Variants in CTNNA3 observed in about 807,000 individuals in gnomAD.
CTNNA3 encodes catenin alpha-3.
CTNNA3 carries 76 observed loss-of-function variants against 95.7 expected under a neutral mutation model. That is an observed-to-expected ratio of 0.79 (90% CI 0.66 to 0.96). The LOEUF (loss-of-function observed/expected upper bound fraction) is 0.96, where lower values mean the gene tolerates loss of function less well. CTNNA3 is among the 40% of genes least tolerant of loss of function. The pLI is 0.00. For synonymous variants in CTNNA3, 431 were observed against 374.4 expected, an observed-to-expected ratio of 1.15 and a Z score of -1.74; for missense variants, 1,191 against 1,089.8, an observed-to-expected ratio of 1.09 and a Z score of -1.31.
intron 11 of CTNNA3, among the ~76,000 whole-genome samples, chr10:66,469,347 A>C (rs1839043832): frequency 6.6e-6 from 1 of 151,906 alleles, no homozygotes; most frequent in African/African-American, 2.4e-5. Context: ...GATATCTGAG[A>C]CAAAGGGTAG....
chr10:67,511,693 G>A (rs1839634801), intron 5 of CTNNA3, among the ~76,000 whole-genome samples: 1 of 152,160 alleles, frequency 6.6e-6, no homozygotes, highest in African/African-American at 2.4e-5. Flanking sequence ...TTGGTATCAG[G>A]ATGATGCTGG....
chr10:67,632,075 T>G (rs1195848995), intron 2 of CTNNA3, among the ~76,000 whole-genome samples: 2 of 151,736 alleles, frequency 1.3e-5, no homozygotes, highest in African/African-American at 4.8e-5. Flanking sequence ...AGTTAACATA[T>G]TGTATTCTTT....
chr10:67,648,810 G>C (rs529857222), intron 1 of CTNNA3: 1 of 1,287,508 alleles, frequency 7.8e-7, no homozygotes. Flanking sequence ...TTTTCTCAGC[G>C]ATTCAGCTGC....
chr10:66,152,036 A>T (rs1475867705), intron 13 of CTNNA3, among the ~76,000 whole-genome samples: 2 of 151,974 alleles, frequency 1.3e-5, no homozygotes, highest in African/African-American at 2.4e-5. Flanking sequence ...TGTGGAAATC[A>T]TATTGTATCT....
rs55653118 is a variant in CTNNA3 at position 66,989,019 on chromosome 10, T to A, written c.1047+191298A>T. Among the ~76,000 whole-genome samples the A allele has an allele frequency of 6.2e-3, 943 of 152,268 alleles. 8 individuals are homozygous for A. Among genetic ancestry groups the A allele is most frequent in the African/African-American group, 0.022 (900 of 41,558 alleles). ...TCACTTAAAAAAAAAAAATCCCTTT[T>A]CTACCTCTCTTTTATCAGTCTCGTT... On this transcript the variant is annotated intron_variant, in intron 7 of 17. Coordinates refer to ENST00000433211, the MANE Select transcript of CTNNA3 (RefSeq NM_013266.4).
chr10:66,440,962 TCA>T (rs1040380363), intron 11 of CTNNA3, among the ~76,000 whole-genome samples: 1 of 133,654 alleles, frequency 7.5e-6, no homozygotes, highest in Non-Finnish European at 1.6e-5. Context: ...TCCATTTTTC[TCA>T]TTTATTAATA....
chr10:67,394,953 G>A (rs1844661529), intron 5 of CTNNA3, among the ~76,000 whole-genome samples: 1 of 152,010 alleles, frequency 6.6e-6, no homozygotes, highest in African/African-American at 2.4e-5. Flanking sequence ...TACTACATCA[G>A]TTATTCACCA....
intron 5 of CTNNA3, among the ~76,000 whole-genome samples, chr10:67,452,302 C>T (rs74144451): frequency 0.034 from 5,178 of 152,104 alleles, 282 homozygotes; most frequent in African/African-American, 0.11. Flanking sequence ...TAATTGCCTG[C>T]AAAATGTATT....
chr10:66,080,494 T>C (rs2133641107), intron 14 of CTNNA3, among the ~76,000 whole-genome samples: 1 of 152,308 alleles, frequency 6.6e-6, no homozygotes, highest in South Asian at 2.1e-4. Flanking sequence ...GACTTAACAT[T>C]GCAATATCTC....
chr10:66,018,187 T>TAC (rs59373779), intron 15 of CTNNA3, among the ~76,000 whole-genome samples: 1,516 of 142,156 alleles, frequency 0.011, 22 homozygotes, highest in Middle Eastern at 0.032. Flanking sequence ...ACAGCTCAAA[T>TAC]ACACACACAC....
At chr10:66,452,133 A>G (rs535824111) in intron 11 of CTNNA3, among the ~76,000 whole-genome samples, 9 of 152,296 alleles carry the variant, frequency 5.9e-5, no homozygotes, top group African/African-American at 2.2e-4. Flanking sequence ...TTTGTATGAT[A>G]GTTACATTTC....
intron 10 of CTNNA3, among the ~76,000 whole-genome samples, chr10:66,549,873 T>C (rs1167264926): frequency 6.6e-6 from 1 of 152,176 alleles, no homozygotes; most frequent in Non-Finnish European, 1.5e-5. Flanking sequence ...TTGAGACTTA[T>C]TTATGGCCTG....
intron 10 of CTNNA3, among the ~76,000 whole-genome samples, chr10:66,562,587 T>C (rs1842586602): frequency 6.6e-6 from 1 of 152,094 alleles, no homozygotes; most frequent in Admixed American, 6.6e-5. Context: ...ACTCAATATT[T>C]AAGACTACAT....
chr10:66,971,125 A>G (rs915819760), intron 7 of CTNNA3, among the ~76,000 whole-genome samples: 1 of 152,124 alleles, frequency 6.6e-6, no homozygotes, highest in African/African-American at 2.4e-5. Context: ...GCAATGAGGC[A>G]GGATAGTGAA....
intron 11 of CTNNA3, among the ~76,000 whole-genome samples, chr10:66,392,234 T>C (rs576259282): frequency 2.8e-4 from 43 of 151,984 alleles, no homozygotes; most frequent in African/African-American, 1.0e-3. Flanking sequence ...TTTGAGACCA[T>C]CCTGGCCAGT....
intron 7 of CTNNA3, among the ~76,000 whole-genome samples, chr10:66,975,675 T>A (rs544515017): frequency 6.6e-6 from 1 of 152,288 alleles, no homozygotes; most frequent in South Asian, 2.1e-4. Context: ...AGCTGGTTCA[T>A]CCACAAGTTT....
intron 5 of CTNNA3, among the ~76,000 whole-genome samples, chr10:67,490,718 TC>T (rs1848615815): frequency 6.6e-6 from 1 of 151,470 alleles, no homozygotes; most frequent in Non-Finnish European, 1.5e-5. Flanking sequence ...GGAAAAAGAG[TC>T]CTGGTAGATC....
At chr10:66,080,293 A>G (rs939583606) in intron 14 of CTNNA3, among the ~76,000 whole-genome samples, 1 of 151,958 alleles carries the variant, frequency 6.6e-6, no homozygotes, top group Non-Finnish European at 1.5e-5. Context: ...GTAACCCAAC[A>G]TTGTAAAATT....
At chr10:66,941,714 G>A (rs951278569) in intron 7 of CTNNA3, among the ~76,000 whole-genome samples, 3 of 152,164 alleles carry the variant, frequency 2.0e-5, no homozygotes, top group African/African-American at 4.8e-5. Context: ...CGCACTGCCC[G>A]TGCCAGCCAG....
Sources: gnomAD v4.1 joint callset for allele counts (sites outside exome capture counted in the v4.1 genomes callset) on GRCh38, gnomAD v4.1.1 for gene constraint, MANE v1.5 for transcripts, NCBI Gene and HGNC (gene_info 2026-07-23, HGNC 2026-07-21) for gene names.